DLG1: variants seen among roughly 807,000 people sequenced by gnomAD.
DLG1 encodes the protein discs large MAGUK scaffold protein 1.
A neutral mutation model predicts 123.4 loss-of-function variants in DLG1; 42 were observed. The ratio of observed to expected loss-of-function variants is 0.34; its 90% confidence interval spans 0.27 to 0.44. The LOEUF is 0.44. Ranked by LOEUF, DLG1 falls within the 20% of genes least tolerant of loss-of-function variation. The pLI is 1.00. For missense variants in DLG1, 942 were observed against 1,082.6 expected (o/e 0.87, Z 1.82); for synonymous variants, 317 against 356.2 (o/e 0.89, Z 1.24).
chr3:197,185,179 G>T (rs909865559), intron 5 of DLG1, among the ~76,000 whole-genome samples: 2 of 152,140 alleles, frequency 1.3e-5, no homozygotes, highest in Non-Finnish European at 2.9e-5. Context: ...AGAGCATATC[G>T]TAAGTCCCAA....
chr3:197,172,467 GAGC>G (rs1345982501), intron 5 of DLG1, among the ~76,000 whole-genome samples: 1 of 151,966 alleles, frequency 6.6e-6, no homozygotes, highest in African/African-American at 2.4e-5. Flanking sequence ...CTTCTACTTA[GAGC>G]AGATTTCTGT....
chr3:197,168,220 C>T (rs1802360631), intron 5 of DLG1, among the ~76,000 whole-genome samples: 2 of 152,180 alleles, frequency 1.3e-5, no homozygotes, highest in South Asian at 4.1e-4. Context: ...CATCTTAACC[C>T]ATCCCCCTCT....
At chr3:197,057,962 T>A (rs939906765) in intron 23 of DLG1, among the ~76,000 whole-genome samples, 3 of 152,240 alleles carry the variant, frequency 2.0e-5, no homozygotes, top group Admixed American at 1.3e-4. Context: ...TTTTTATTTT[T>A]AAATTTTTAA....
chr3:197,155,947 T>TATAAATAA (rs528270321), intron 5 of DLG1, among the ~76,000 whole-genome samples: 4 of 152,098 alleles, frequency 2.6e-5, no homozygotes, highest in African/African-American at 9.7e-5. Context: ...AGACCCTGCC[T>TATAAATAA]ATAAATAAAT....
At chr3:197,084,457 G>A (rs1017177493) in intron 16 of DLG1, among the ~76,000 whole-genome samples, 5 of 151,374 alleles carry the variant, frequency 3.3e-5, no homozygotes, top group East Asian at 2.0e-4. Flanking sequence ...GATTACAGGC[G>A]CCCGCCACCA....
intron 9 of DLG1, among the ~76,000 whole-genome samples, chr3:197,137,330 G>A (rs893615328): frequency 6.6e-6 from 1 of 152,140 alleles, no homozygotes; most frequent in Admixed American, 6.5e-5. Flanking sequence ...TACTGCAGAT[G>A]TAACTGCTCA....
At chr3:197,239,357 C>G (rs1447732504) in intron 4 of DLG1, among the ~76,000 whole-genome samples, 2 of 152,080 alleles carry the variant, frequency 1.3e-5, no homozygotes, top group East Asian at 3.8e-4. Flanking sequence ...AAGAAAAGTC[C>G]TGGACCTGAA....
chr3:197,184,080 A>AT, intron 5 of DLG1: 4 of 1,209,586 alleles, frequency 3.3e-6, no homozygotes, highest in Non-Finnish European at 4.1e-6. Context: ...TCTCATGATT[A>AT]TTTTTTCACC....
chr3:197,116,340 G>A (rs1773276441), intron 12 of DLG1, among the ~76,000 whole-genome samples: 1 of 151,986 alleles, frequency 6.6e-6, no homozygotes, highest in Admixed American at 6.6e-5. Context: ...AAAAAACGTG[G>A]AAATTTAAAA....
In DLG1 at chr3:197,155,292, C is replaced by T. The variant is rs74473111; in HGVS notation, c.484-5496G>A. On this transcript the variant is annotated intron_variant, in intron 5 of 24. Coordinates refer to ENST00000667157, the MANE Select transcript of DLG1 (RefSeq NM_001366207.1). The stretch of plus-strand genomic sequence containing the variant: ...GGAAATACTCACTGCTAAAATAAGA[C>T]GAAAAAAACCCAAACCTGTCAACTA... Among the ~76,000 whole-genome samples, 44 of 152,078 alleles carry T rather than the reference C, an allele frequency of 2.9e-4. No individual in the cohort carries two copies. The East Asian group carries it at 5.6e-3, about 19-fold the overall frequency.
intron 12 of DLG1, 115 bp from the exon 13 acceptor site, chr3:197,116,198 C>CA: frequency 2.6e-6 from 2 of 764,642 alleles, no homozygotes; most frequent in Non-Finnish European, 4.0e-6. Context: ...GAAAGCTAGA[C>CA]AAAATATAAA....
At chr3:197,266,396 G>A (rs942445004) in intron 4 of DLG1, among the ~76,000 whole-genome samples, 2 of 151,826 alleles carry the variant, frequency 1.3e-5, no homozygotes, top group Admixed American at 1.3e-4. Flanking sequence ...AAATAAAAAC[G>A]AAACTATCGA....
chr3:197,249,882 G>T (rs2340434), intron 4 of DLG1, among the ~76,000 whole-genome samples: 209 of 151,918 alleles, frequency 1.4e-3, no homozygotes, highest in Middle Eastern at 3.4e-3. Flanking sequence ...GATAAAAACC[G>T]GTAACAAACT....
chr3:197,044,838 A>T (rs2148628150), intron 24 of DLG1, 109 bp from the exon 25 acceptor site: 1 of 572,418 alleles, frequency 1.7e-6, no homozygotes, highest in East Asian at 3.2e-5. Flanking sequence ...TTACTCATCC[A>T]GGAAGAATCA....
chr3:197,076,620 CTTG>C lies in DLG1; in HGVS notation c.1968_1970del (p.Asn656del), dbSNP rs1187730893. ...CACTTGTTTCCTGCTCACTCTGGTC[CTTG>C]TTCTTGTAGAAGGGGAATTTTCGGG... On this transcript the variant is annotated inframe_deletion, in exon 18 of 25. Coordinates refer to ENST00000667157, the MANE Select transcript of DLG1 (RefSeq NM_001366207.1). 6.2e-7 allele frequency: 1 copy of C among 1,612,808 alleles called. No individual in the cohort carries two copies. The highest frequency in any genetic ancestry group is 1.7e-5 in the Admixed American group (1 of 59,974).
chr3:197,177,177 CAA>C (rs997720495), intron 5 of DLG1, among the ~76,000 whole-genome samples: 1 of 152,064 alleles, frequency 6.6e-6, no homozygotes, highest in African/African-American at 2.4e-5. Context: ...ATTAATTTCG[CAA>C]AGTTAGTAGC....
chr3:197,199,024 C>G (rs1411358228), intron 4 of DLG1, among the ~76,000 whole-genome samples: 1 of 152,090 alleles, frequency 6.6e-6, no homozygotes, highest in African/African-American at 2.4e-5. Context: ...TAACCATATA[C>G]TTTAAAAGAG....
At chr3:197,297,916 C>A in intron 1 of DLG1, 2 of 984,536 alleles carry the variant, frequency 2.0e-6, no homozygotes, top group South Asian at 9.4e-5. Context: ...CCCGCGGAGC[C>A]GAGCGGAGGG....
chr3:197,252,299 C>G (rs990000586), intron 4 of DLG1, among the ~76,000 whole-genome samples: 1 of 152,006 alleles, frequency 6.6e-6, no homozygotes, highest in African/African-American at 2.4e-5. Context: ...GTTTTCATAG[C>G]AATATTATTC....
Sources: gnomAD v4.1 joint callset for allele counts (sites outside exome capture counted in the v4.1 genomes callset) on GRCh38, gnomAD v4.1.1 for gene constraint, MANE v1.5 for transcripts, NCBI Gene and HGNC (gene_info 2026-07-23, HGNC 2026-07-21) for gene names.